Variants in MAML2 observed in about 807,000 individuals in gnomAD.
The protein encoded by MAML2 is mastermind-like protein 2.
MAML2 carries 22 observed loss-of-function variants against 96.1 expected under a neutral mutation model. The observed-to-expected ratio is 0.23, with a 90% CI of 0.16 to 0.33. The LOEUF is 0.33. MAML2 is among the 10% of genes least tolerant of loss of function. The probability of loss-of-function intolerance (pLI) is 1.00; values close to 1 mark genes in which losing one functional copy is unlikely to be tolerated. For missense variants in MAML2, 1,367 were observed against 1,392.4 expected (o/e 0.98, Z 0.29); for synonymous variants, 561 against 521.3 (o/e 1.08, Z -1.04).
Position 96,014,517 on chromosome 11 carries a change from C to T in MAML2, c.2140-22794G>A, listed in dbSNP as rs368889489. Among the ~76,000 whole-genome samples, 3 of 152,202 alleles carry T rather than the reference C, an allele frequency of 2.0e-5. No homozygotes were observed. The South Asian group carries it at 6.2e-4, about 31-fold the overall frequency. ...ACAGTGATGAATTGTAGAGAGAAAGCTTTCAGGTTTTCAGGTGGTCTCAAA... is the reference window on the plus strand; with the variant it reads ...ACAGTGATGAATTGTAGAGAGAAAGTTTTCAGGTTTTCAGGTGGTCTCAAA... On this transcript the variant is annotated intron_variant, in intron 2 of 4. Coordinates refer to ENST00000524717, the MANE Select transcript of MAML2 (RefSeq NM_032427.4).
intron 1 of MAML2, among the ~76,000 whole-genome samples, chr11:96,128,400 GA>G (rs1156901435): frequency 1.3e-5 from 2 of 150,386 alleles, no homozygotes; most frequent in Admixed American, 6.6e-5. Context: ...TCAGTCTCGG[GA>G]AAAAAAAATA....
chr11:96,307,392 AAAAGTATATTCCTTAAATATATCCCTT>A (rs1863479306), intron 1 of MAML2, among the ~76,000 whole-genome samples: 1 of 152,202 alleles, frequency 6.6e-6, no homozygotes, highest in African/African-American at 2.4e-5. Flanking sequence ...AGGCTGTATG[AAAAGTATATTCCTTAAATATATCCCTT>A]AAAGTATATT....
intron 2 of MAML2, among the ~76,000 whole-genome samples, chr11:96,077,239 T>TTTTTTTA (rs375340984): frequency 6.7e-6 from 1 of 148,462 alleles, no homozygotes; most frequent in East Asian, 2.0e-4. Context: ...TTTTTTTTTT[T>TTTTTTTA]AAAGACAGTC....
intron 2 of MAML2, among the ~76,000 whole-genome samples, chr11:96,002,432 A>G (rs746193890): frequency 6.6e-6 from 1 of 152,204 alleles, no homozygotes; most frequent in Non-Finnish European, 1.5e-5. Flanking sequence ...TGGGTGTGCC[A>G]CCTTAGAAGG....
chr11:96,145,089 C>T (rs1860794799), intron 1 of MAML2, among the ~76,000 whole-genome samples: 1 of 152,180 alleles, frequency 6.6e-6, no homozygotes, highest in Non-Finnish European at 1.5e-5. Context: ...CCTCACTGGA[C>T]TCTCAAAAAC....
intron 1 of MAML2, among the ~76,000 whole-genome samples, chr11:96,165,991 A>G (rs1186968046): frequency 6.6e-6 from 1 of 152,198 alleles, no homozygotes; most frequent in African/African-American, 2.4e-5. Context: ...GGACACAGTC[A>G]TCTTATGGAC....
At chr11:96,327,220 C>T (rs1423964772) in intron 1 of MAML2, among the ~76,000 whole-genome samples, 1 of 152,106 alleles carries the variant, frequency 6.6e-6, no homozygotes, top group African/African-American at 2.4e-5. Flanking sequence ...GTGTGGGTTG[C>T]TGATGGGGAA....
At chr11:96,226,502 A>G (rs1327678986) in intron 1 of MAML2, among the ~76,000 whole-genome samples, 1 of 152,198 alleles carries the variant, frequency 6.6e-6, no homozygotes, top group East Asian at 1.9e-4. Context: ...ATTAATTCTA[A>G]TCTGTTCCCT....
intron 1 of MAML2, among the ~76,000 whole-genome samples, chr11:96,139,249 G>A (rs1317204239): frequency 1.3e-5 from 2 of 152,148 alleles, no homozygotes; most frequent in Admixed American, 6.5e-5. Flanking sequence ...AGGCCGAGGC[G>A]GGCAGATCAC....
At position 95,977,609 on chromosome 11, in the gene MAML2, C is replaced by T. The variant is rs1265331086; in HGVS notation, c.*1339G>A. 2.8e-5 allele frequency: 6 copies of T among 213,726 alleles called. No homozygotes were observed. The highest frequency in any genetic ancestry group is 2.8e-4 in the East Asian group (4 of 14,270). The allele number at this position is 213,726 out of a possible 1,614,324, so 13.2% of individuals were successfully genotyped here. A position where few individuals can be genotyped will look rare whatever the true frequency, so the allele number is the denominator to read the frequency against. ...TTTGCATTCATTCCAAATCAGCACA[C>T]GTCTTCCCCATTTTACAGCTGATCT... On this transcript the variant is annotated 3_prime_UTR_variant, in exon 5 of 5. Coordinates refer to ENST00000524717, the MANE Select transcript of MAML2 (RefSeq NM_032427.4).
chr11:96,311,638 G>T (rs1434752333), intron 1 of MAML2, among the ~76,000 whole-genome samples: 1 of 152,108 alleles, frequency 6.6e-6, no homozygotes, highest in Non-Finnish European at 1.5e-5. Context: ...ATGCAGAAAT[G>T]GTGCTATAGG....
rs183191234 is a variant in MAML2 at position 96,237,980 on chromosome 11, T to C, written c.513+103403A>G. On this transcript the variant is annotated intron_variant, in intron 1 of 4. Transcript: ENST00000524717. Reference sequence around the variant, plus strand: ...AAAAATTGCTCAATATTCTGCTTTGTTCTGCCTGTATGGACAAAGTCTAAT... The same window carrying C: ...AAAAATTGCTCAATATTCTGCTTTGCTCTGCCTGTATGGACAAAGTCTAAT... Among the ~76,000 whole-genome samples, 24 of 152,362 alleles carry C rather than the reference T, an allele frequency of 1.6e-4. No individual in the cohort carries two copies. The East Asian group carries it at 4.6e-3, about 29-fold the overall frequency.
At chr11:95,993,544 C>T (rs1297133924) in intron 2 of MAML2, among the ~76,000 whole-genome samples, 1 of 152,146 alleles carries the variant, frequency 6.6e-6, no homozygotes, top group Non-Finnish European at 1.5e-5. Context: ...GCACTCCAGC[C>T]TGGGTGACAG....
intron 2 of MAML2, among the ~76,000 whole-genome samples, chr11:96,011,541 G>A (rs11021387): frequency 0.29 from 43,905 of 151,840 alleles, 6,596 homozygotes; most frequent in South Asian, 0.47. Flanking sequence ...CATAAAGCTG[G>A]GAACAACAGA....
intron 2 of MAML2, among the ~76,000 whole-genome samples, chr11:96,006,851 C>T (rs867792408): frequency 9.4e-5 from 14 of 148,568 alleles, no homozygotes; most frequent in African/African-American, 3.5e-4. Context: ...TGAGCCACCA[C>T]GCCTGGCCAG....
intron 1 of MAML2, among the ~76,000 whole-genome samples, chr11:96,339,650 A>T (rs968467545): frequency 1.3e-5 from 2 of 152,212 alleles, no homozygotes; most frequent in African/African-American, 2.4e-5. Context: ...GAGACTGTGA[A>T]GCACACAAAG....
At chr11:96,078,588 C>A (rs556384797) in intron 2 of MAML2, among the ~76,000 whole-genome samples, 11 of 152,136 alleles carry the variant, frequency 7.2e-5, no homozygotes, top group African/African-American at 2.4e-4. Flanking sequence ...GCAATGATAC[C>A]GGAACAGGAA....
chr11:96,190,215 G>T (rs1861634052), intron 1 of MAML2, among the ~76,000 whole-genome samples: 1 of 152,202 alleles, frequency 6.6e-6, no homozygotes, highest in South Asian at 2.1e-4. Flanking sequence ...ATATACATGT[G>T]TTAGGCACTG....
chr11:96,176,917 C>T (rs189230161), intron 1 of MAML2, among the ~76,000 whole-genome samples: 393 of 152,176 alleles, frequency 2.6e-3, no homozygotes, highest in Non-Finnish European at 4.5e-3. Context: ...TGACTGAGCA[C>T]GCTATATGCC....
Sources: gnomAD v4.1 joint callset for allele counts (sites outside exome capture counted in the v4.1 genomes callset) on GRCh38, gnomAD v4.1.1 for gene constraint, MANE v1.5 for transcripts, NCBI Gene and HGNC (gene_info 2026-07-23, HGNC 2026-07-21) for gene names.